THAP4: variants seen among roughly 807,000 people sequenced by gnomAD.
The protein encoded by THAP4 is THAP domain containing 4.
Under a neutral mutation model 48.1 loss-of-function variants are expected in THAP4, and 18 were observed. That is an observed-to-expected ratio of 0.37 (90% CI 0.26 to 0.56). The LOEUF is 0.56. Among genes scored for constraint, THAP4 ranks in the 20% least tolerant of loss-of-function variants. The pLI is 0.78. For synonymous variants in THAP4, 345 were observed against 324.9 expected (o/e 1.06, Z -0.66); for missense variants, 656 against 774.9 (o/e 0.85, Z 1.82).
chr2:241,603,289 C>T (rs1327571912), intron 3 of THAP4, among the ~76,000 whole-genome samples: 2 of 151,866 alleles, frequency 1.3e-5, no homozygotes, highest in South Asian at 2.1e-4. Context: ...GTTCCAGCCA[C>T]GCCCACACAC....
chr2:241,637,003 A>G lies in THAP4; in HGVS notation c.15T>C (p.Cys5=), dbSNP rs2067678418. The change falls in exon 1 of 6, where the codon TGT becomes TGC. Residue 5 remains cysteine (C), a synonymous_variant. Transcript: ENST00000407315. ...GCCGGTTGGAGCAGTTCACGGCCGC[A>G]CAGCAGATCACCATCGCGGGCCTTG... The part of the protein sequence containing the change: MVIC[C]AAVNCSNRQG... 1 of 1,297,990 alleles carries G rather than the reference A, an allele frequency of 7.7e-7. No homozygotes were observed. The allele number at this position is 1,297,990 out of a possible 1,614,324, so 80.4% of individuals were successfully genotyped here.
chr2:241,634,084 A>G lies in THAP4; in HGVS notation c.78-5T>C. ...TTTGAGTCCTTTAGGGGGAACCTAC[A>G]GGACAAATGACAAAAAGTAATTAGA... is the stretch of plus-strand genomic sequence containing the variant. On this transcript the variant is annotated splice_polypyrimidine_tract_variant and splice_region_variant and intron_variant, in intron 1 of 5. Coordinates refer to ENST00000407315, the MANE Select transcript of THAP4 (RefSeq NM_015963.6). 6.5e-7 allele frequency: 1 copy of G among 1,529,236 alleles called. No individual in the cohort carries two copies. The highest frequency in any genetic ancestry group is 2.3e-5 in the East Asian group (1 of 43,216). The allele number at this position is 1,529,236 out of a possible 1,614,324, so 94.7% of individuals were successfully genotyped here.
At position 241,606,451 on chromosome 2, in the gene THAP4, C is replaced by T. The variant is rs375015524; in HGVS notation, c.1263G>A (p.Val421=). Residue 421 remains valine, a synonymous_variant, in exon 3 of 6, where the codon GTG becomes GTA. Coordinates refer to ENST00000407315, the MANE Select transcript of THAP4 (RefSeq NM_015963.6). ...PSREPPKMNP[V]VEPLSWMLGT... ...CCAGCATCCAGGACAGTGGCTCCAC[C>T]ACTGGGTTCATCTTGGGGGGCTCTG... 1.8e-5 allele frequency: 29 copies of T among 1,607,164 alleles called. No homozygotes were observed. Among genetic ancestry groups the T allele is most frequent in the Non-Finnish European group, 2.3e-5 (27 of 1,176,874 alleles).
intron 5 of THAP4, among the ~76,000 whole-genome samples, chr2:241,586,265 A>G (rs1481732774): frequency 1.4e-5 from 2 of 144,136 alleles, no homozygotes; most frequent in East Asian, 4.0e-4. Context: ...TGAAGAGGAA[A>G]AAAAAAAAAA....
intron 3 of THAP4, among the ~76,000 whole-genome samples, chr2:241,605,941 T>G (rs1270235653): frequency 6.6e-6 from 1 of 152,170 alleles, no homozygotes; most frequent in African/African-American, 2.4e-5. Flanking sequence ...CTTCAATTCC[T>G]AAGCTCAAGC....
intron 2 of THAP4, among the ~76,000 whole-genome samples, chr2:241,608,944 C>A (rs913983670): frequency 6.6e-6 from 1 of 152,178 alleles, no homozygotes; most frequent in Non-Finnish European, 1.5e-5. Context: ...GTCCTGGGTA[C>A]GTAGGCCTGG....
chr2:241,609,622 A>G (rs1431388098), intron 2 of THAP4, among the ~76,000 whole-genome samples: 2 of 152,178 alleles, frequency 1.3e-5, no homozygotes, highest in Non-Finnish European at 2.9e-5. Flanking sequence ...CGCTGTCTCT[A>G]TTAAAAATAC....
chr2:241,592,057 C>G (rs943920130), intron 5 of THAP4: 1 of 152,254 alleles, frequency 6.6e-6, no homozygotes, highest in Non-Finnish European at 1.5e-5. Context: ...CCTGAACAGG[C>G]ACCTCGCTGG....
chr2:241,610,616 T>C lies in THAP4; in HGVS notation c.1241-4143A>G, dbSNP rs2067258080. 1.3e-5 allele frequency among the ~76,000 whole-genome samples: 2 copies of C among 151,998 alleles called. No homozygotes were observed. Among genetic ancestry groups the C allele is most frequent in the Non-Finnish European group, 2.9e-5 (2 of 67,976 alleles). ...TCCTGCTTCCCCAGCCACGGGGTCTTCTCCCGGCCCCTCATCTACTTGGCA... is the reference window on the plus strand; with the variant it reads ...TCCTGCTTCCCCAGCCACGGGGTCTCCTCCCGGCCCCTCATCTACTTGGCA... On this transcript the variant is annotated intron_variant, in intron 2 of 5. Transcript: ENST00000407315. The surrounding 1 kb of genome is among the most constrained non-coding windows in gnomAD (Gnocchi z 4.2).
At chr2:241,609,859 C>T (rs1389404770) in intron 2 of THAP4, among the ~76,000 whole-genome samples, 8 of 152,246 alleles carry the variant, frequency 5.3e-5, no homozygotes, top group Admixed American at 5.2e-4. Flanking sequence ...GCGGAGCACA[C>T]CCCACAGCGA....
chr2:241,604,948 T>A (rs1378938148), intron 3 of THAP4, among the ~76,000 whole-genome samples: 2 of 152,234 alleles, frequency 1.3e-5, no homozygotes, highest in African/African-American at 4.8e-5. Flanking sequence ...AATACATTTA[T>A]ACCATATTCT....
chr2:241,611,188 C>T (rs2067269431), intron 2 of THAP4, among the ~76,000 whole-genome samples: 1 of 152,138 alleles, frequency 6.6e-6, no homozygotes, highest in South Asian at 2.1e-4. Context: ...TGAGAAGCCT[C>T]AGGGTCTGGC....
chr2:241,596,439 A>G (rs1424820537), intron 5 of THAP4, among the ~76,000 whole-genome samples: 4 of 146,594 alleles, frequency 2.7e-5, no homozygotes, highest in African/African-American at 5.1e-5. Flanking sequence ...CCTGGGAGGC[A>G]GAGGTTGCAG....
chr2:241,627,788 C>G (rs1012442354), intron 2 of THAP4, among the ~76,000 whole-genome samples: 1 of 152,196 alleles, frequency 6.6e-6, no homozygotes, highest in Non-Finnish European at 1.5e-5. Flanking sequence ...CCCCACCACA[C>G]CCTCGCTCCT....
chr2:241,635,376 T>C (rs945084519), intron 1 of THAP4, among the ~76,000 whole-genome samples: 7 of 152,276 alleles, frequency 4.6e-5, no homozygotes, highest in South Asian at 2.1e-4. Context: ...AGGAAGATAC[T>C]GAATAGGATG....
At chr2:241,613,713 T>C (rs1048785302) in intron 2 of THAP4, among the ~76,000 whole-genome samples, 1 of 151,692 alleles carries the variant, frequency 6.6e-6, no homozygotes, top group African/African-American at 2.4e-5. Flanking sequence ...CGAGAGCACA[T>C]CACTACACTC....
chr2:241,606,005 A>C (rs866142848), intron 3 of THAP4, among the ~76,000 whole-genome samples: 21 of 152,144 alleles, frequency 1.4e-4, no homozygotes, highest in African/African-American at 4.6e-4. Context: ...GAGCTACCGC[A>C]CTGGCCAGGG....
chr2:241,631,096 A>G (rs2067553780), intron 2 of THAP4, among the ~76,000 whole-genome samples: 1 of 152,178 alleles, frequency 6.6e-6, no homozygotes, highest in African/African-American at 2.4e-5. Context: ...AACAGTATAC[A>G]ATTTCAACCC....
chr2:241,627,793 GCTC>G (rs1016476826), intron 2 of THAP4, among the ~76,000 whole-genome samples: 1 of 152,044 alleles, frequency 6.6e-6, no homozygotes, highest in African/African-American at 2.4e-5. Flanking sequence ...CCACACCCTC[GCTC>G]CTGCCACCCC....
Sources: gnomAD v4.1 joint callset for allele counts (sites outside exome capture counted in the v4.1 genomes callset) on GRCh38, gnomAD v4.1.1 for gene constraint, Gnocchi (gnomAD v3.1) non-coding constraint, MANE v1.5 for transcripts, NCBI Gene and HGNC (gene_info 2026-07-23, HGNC 2026-07-21) for gene names.